The following CPPED1 variants were observed in gnomAD, a reference collection of about 807,000 sequenced individuals.
CPPED1 encodes the protein calcineurin like phosphoesterase domain containing 1.
A neutral mutation model predicts 28.0 loss-of-function variants in CPPED1; 28 were observed. The ratio of observed to expected loss-of-function variants is 1.00; its 90% CI spans 0.74 to 1.37. The LOEUF is 1.37. Among genes scored for constraint, CPPED1 ranks in the 40% most tolerant of loss-of-function variants. CPPED1 has a pLI of 0.00. For missense variants in CPPED1, 504 were observed against 416.5 expected (o/e 1.21, Z -1.83); for synonymous variants, 198 against 180.2 (o/e 1.10, Z -0.79).
Position 12,781,187 on chromosome 16 carries a change from G to A in CPPED1, c.287C>T (p.Pro96Leu), listed in dbSNP as rs1338558876. Residue 96 changes from proline to leucine, a missense_variant and splice_region_variant, in exon 2 of 4, where the codon CCA becomes CTA. Physicochemically the swap from Pro to Leu is moderately conservative, Grantham distance 98. Transcript: ENST00000381774. The stretch of plus-strand genomic sequence containing the variant: ...ACAAGCGATGACCCGAGTCTTACCT[G>A]GCATGGCGTGGATGAGGTCGCCGCA... The part of the protein sequence containing the change: ...VLCGDLIHAM[P>L]GKPWRTEQTE... 11 of 1,611,686 alleles carry A rather than the reference G, an allele frequency of 6.8e-6. No homozygotes were observed. The highest frequency in any genetic ancestry group is 2.2e-5 in the East Asian group (1 of 44,740).
intron 2 of CPPED1, among the ~76,000 whole-genome samples, chr16:12,708,495 T>C (rs1387908965): frequency 6.6e-6 from 1 of 152,186 alleles, no homozygotes; most frequent in East Asian, 1.9e-4. Context: ...CTAAATGTAA[T>C]AAATTCTTCC....
At chr16:12,734,731 C>G (rs1177717022) in intron 2 of CPPED1, among the ~76,000 whole-genome samples, 1 of 152,136 alleles carries the variant, frequency 6.6e-6, no homozygotes, top group African/African-American at 2.4e-5. Context: ...TTCCACTCCC[C>G]TATGAGTCTA....
chr16:12,714,308 C>A (rs889962185), intron 2 of CPPED1, among the ~76,000 whole-genome samples: 1 of 152,108 alleles, frequency 6.6e-6, no homozygotes, highest in East Asian at 1.9e-4. Context: ...TGAGTGTATA[C>A]CTAGGAGTGA....
chr16:12,686,189 G>T lies in CPPED1; in HGVS notation c.715+18435C>A, dbSNP rs115035485. On this transcript the variant is annotated intron_variant, in intron 3 of 3. Coordinates refer to ENST00000381774, the MANE Select transcript of CPPED1 (RefSeq NM_018340.3). ...AGTCACTCTCCTTTTGGGGTGGCCA[G>T]TAATCCATTTGTTTTGAAGATTGCT... 5.5e-3 allele frequency among the ~76,000 whole-genome samples: 832 copies of T among 152,102 alleles called. 7 individuals are homozygous for T. Among genetic ancestry groups the T allele is most frequent in the African/African-American group, 0.018 (745 of 41,488 alleles).
In CPPED1 at chr16:12,704,910, G is replaced by A. The variant is rs1419854803; in HGVS notation, c.429C>T (p.Cys143=). ...TPTAETVEEF[C]RTWGDDYFSF... ...TGAAGTAGTCATCTCCCCAAGTCCG[G>A]CAGAACTCCTCGACGGTCTCGGCCG... Residue 143 remains cysteine (C), a synonymous_variant, in exon 3 of 4, where the codon TGC becomes TGT. Coordinates refer to ENST00000381774, the MANE Select transcript of CPPED1 (RefSeq NM_018340.3). The A allele has an allele frequency of 1.2e-6, 2 of 1,614,140 alleles. No homozygotes were observed. Among genetic ancestry groups the A allele is most frequent in the South Asian group, 1.1e-5 (1 of 91,074 alleles).
At chr16:12,774,747 G>A (rs1372562532) in intron 2 of CPPED1, among the ~76,000 whole-genome samples, 1 of 152,160 alleles carries the variant, frequency 6.6e-6, no homozygotes, top group East Asian at 1.9e-4. Flanking sequence ...GTCCATTCAT[G>A]GATTAATGAA....
Position 12,661,282 on chromosome 16 carries a change from T to A in CPPED1, c.*3604A>T, listed in dbSNP as rs765548796. 1.3e-5 allele frequency: 2 copies of A among 152,200 alleles called. No homozygotes were observed. The highest frequency in any genetic ancestry group is 2.1e-4 in the South Asian group (1 of 4,826). 9.4% of individuals were successfully genotyped at this position (152,200 alleles called of 1,614,324 possible). On this transcript the variant is annotated 3_prime_UTR_variant, in exon 4 of 4. Coordinates refer to ENST00000381774, the MANE Select transcript of CPPED1 (RefSeq NM_018340.3). The stretch of plus-strand genomic sequence containing the variant: ...ATAAGGTCAATGGCCCTAGTCTAAT[T>A]CAGATTTAAACTAGTGCTTGCCTTG...
At chr16:12,691,873 T>G in intron 3 of CPPED1, among the ~76,000 whole-genome samples, 3 of 148,586 alleles carry the variant, frequency 2.0e-5, no homozygotes, top group African/African-American at 7.6e-5. Context: ...AAATGATGAG[T>G]TAATGGGTGC....
chr16:12,727,387 C>T (rs993225496), intron 2 of CPPED1, among the ~76,000 whole-genome samples: 5 of 152,140 alleles, frequency 3.3e-5, no homozygotes, highest in African/African-American at 1.2e-4. Flanking sequence ...CAATCTTGCT[C>T]TGCTGCCCAG....
chr16:12,781,151 G>T, intron 2 of CPPED1, 34 bp downstream of exon 2: 2 of 1,583,386 alleles, frequency 1.3e-6, no homozygotes, highest in South Asian at 1.1e-5. Flanking sequence ...CCGGCTGAAG[G>T]AGAAAAGGTC....
At chr16:12,672,384 G>C (rs535775313) in intron 3 of CPPED1, among the ~76,000 whole-genome samples, 1 of 152,172 alleles carries the variant, frequency 6.6e-6, no homozygotes, top group African/African-American at 2.4e-5. Context: ...TCACAGTACC[G>C]TTAGTAATGT....
intron 2 of CPPED1, among the ~76,000 whole-genome samples, chr16:12,778,378 C>G (rs563867994): frequency 6.8e-6 from 1 of 148,014 alleles, no homozygotes; most frequent in Non-Finnish European, 1.5e-5. Flanking sequence ...TGGGTTCAAG[C>G]GATTCTCCTG....
At chr16:12,671,668 A>G (rs552948444) in intron 3 of CPPED1, among the ~76,000 whole-genome samples, 1 of 152,318 alleles carries the variant, frequency 6.6e-6, no homozygotes, top group East Asian at 1.9e-4. Flanking sequence ...CAGCACATGG[A>G]CATTTTGGTC....
chr16:12,803,676 G>GT, intron 1 of CPPED1, 31 bp downstream of exon 1: 1 of 1,473,046 alleles, frequency 6.8e-7, no homozygotes, highest in Non-Finnish European at 9.0e-7. Context: ...CAGCCCCAGA[G>GT]TCCCCTCCCC....
intron 2 of CPPED1, among the ~76,000 whole-genome samples, chr16:12,744,895 G>A (rs531942169): frequency 6.6e-6 from 1 of 152,296 alleles, no homozygotes; most frequent in East Asian, 1.9e-4. Context: ...GAGAGTATGG[G>A]AGGATGACTT....
intron 2 of CPPED1, among the ~76,000 whole-genome samples, chr16:12,775,174 A>G (rs1396688133): frequency 1.3e-5 from 2 of 152,012 alleles, no homozygotes; most frequent in Admixed American, 6.6e-5. Context: ...CCCCCTCCCC[A>G]TGTGATGTTC....
intron 1 of CPPED1, among the ~76,000 whole-genome samples, chr16:12,789,367 T>C (rs1034606980): frequency 9.9e-5 from 15 of 152,270 alleles, no homozygotes; most frequent in Admixed American, 9.8e-4. Context: ...CTACAAAGGC[T>C]AAGGGGCAAA....
chr16:12,688,617 C>T (rs955285797), intron 3 of CPPED1, among the ~76,000 whole-genome samples: 1 of 151,964 alleles, frequency 6.6e-6, no homozygotes, highest in African/African-American at 2.4e-5. Context: ...GATTACAGGC[C>T]TGATTCATCG....
At chr16:12,777,863 T>G (rs1596481491) in intron 2 of CPPED1, among the ~76,000 whole-genome samples, 1 of 149,236 alleles carries the variant, frequency 6.7e-6, no homozygotes, top group African/African-American at 2.6e-5. Context: ...ATATTATTAC[T>G]TTCATTAAAA....
Sources: gnomAD v4.1 joint callset for allele counts (sites outside exome capture counted in the v4.1 genomes callset) on GRCh38, gnomAD v4.1.1 for gene constraint, MANE v1.5 for transcripts, NCBI Gene and HGNC (gene_info 2026-07-23, HGNC 2026-07-21) for gene names.